The following MTHFD1L variants were observed in gnomAD, a reference collection of about 807,000 sequenced individuals.
MTHFD1L encodes monofunctional C1-tetrahydrofolate synthase, mitochondrial.
In MTHFD1L, 81 loss-of-function variants were observed where a neutral mutation model predicts 119.5. The ratio of observed to expected loss-of-function variants is 0.68; its 90% CI spans 0.57 to 0.82. The LOEUF (loss-of-function observed/expected upper bound fraction) is 0.82. Ranked by LOEUF, MTHFD1L falls within the 40% of genes least tolerant of loss-of-function variation. The pLI is 0.00. For missense variants in MTHFD1L, 1,125 were observed against 1,253.4 expected (o/e 0.90, Z 1.55); for synonymous variants, 430 against 475.2 (o/e 0.90, Z 1.24).
At chr6:151,000,739 T>C (rs11964032) in intron 20 of MTHFD1L, among the ~76,000 whole-genome samples, 3,219 of 152,334 alleles carry the variant, frequency 0.021, 110 homozygotes, top group African/African-American at 0.074. Flanking sequence ...GCTGTGACTT[T>C]TTTTGAGTTT....
intron 26 of MTHFD1L, among the ~76,000 whole-genome samples, chr6:151,069,667 G>C (rs1032951173): frequency 2.6e-4 from 39 of 152,106 alleles, no homozygotes; most frequent in Non-Finnish European, 1.2e-4. Context: ...GGTGTCCTTG[G>C]TTCTGTTTAC....
chr6:150,952,585 C>T (rs1441267652), intron 16 of MTHFD1L, among the ~76,000 whole-genome samples: 1 of 152,102 alleles, frequency 6.6e-6, no homozygotes, highest in Non-Finnish European at 1.5e-5. Context: ...GGCTGGAGTG[C>T]AGTGTGCGAT....
At chr6:151,016,976 T>TTTTA (rs1783175461) in intron 24 of MTHFD1L, among the ~76,000 whole-genome samples, 1 of 151,542 alleles carries the variant, frequency 6.6e-6, no homozygotes, top group African/African-American at 2.4e-5. Flanking sequence ...GGTTTCACCG[T>TTTTA]GTTGCCCGGG....
chr6:150,936,673 G>C (rs1792114418), intron 11 of MTHFD1L, 131 bp from the exon 12 acceptor site: 3 of 1,112,936 alleles, frequency 2.7e-6, no homozygotes, highest in Non-Finnish European at 3.9e-6. Flanking sequence ...GACCATAATA[G>C]CCCGAGAAAA....
At chr6:150,943,967 G>A (rs1338080960) in intron 13 of MTHFD1L, among the ~76,000 whole-genome samples, 2 of 152,140 alleles carry the variant, frequency 1.3e-5, no homozygotes, top group Non-Finnish European at 2.9e-5. Context: ...AATAAACGTA[G>A]TGAGTGACTA....
At chr6:150,934,622 C>T (rs1443806045) in intron 11 of MTHFD1L, among the ~76,000 whole-genome samples, 1 of 152,170 alleles carries the variant, frequency 6.6e-6, no homozygotes, top group Non-Finnish European at 1.5e-5. Flanking sequence ...ATGATGACGC[C>T]TCTAAAGACA....
At chr6:151,070,365 C>G (rs903820407) in intron 26 of MTHFD1L, among the ~76,000 whole-genome samples, 1 of 152,220 alleles carries the variant, frequency 6.6e-6, no homozygotes, top group African/African-American at 2.4e-5. Context: ...TGTTGAACCT[C>G]TAATCTAGAT....
At chr6:151,022,269 C>T in intron 24 of MTHFD1L, 1 of 314,548 alleles carries the variant, frequency 3.2e-6, no homozygotes, top group Non-Finnish European at 6.4e-6. Flanking sequence ...CCAGCTGGAA[C>T]CTACACCAGT....
intron 9 of MTHFD1L, among the ~76,000 whole-genome samples, chr6:150,919,678 T>A (rs1788573577): frequency 6.6e-6 from 1 of 152,166 alleles, no homozygotes; most frequent in Non-Finnish European, 1.5e-5. Flanking sequence ...TGGTGCTATA[T>A]ACTTTTAAAT....
intron 19 of MTHFD1L, 118 bp downstream of exon 19, chr6:150,965,155 C>A: frequency 1.2e-6 from 1 of 804,664 alleles, no homozygotes; most frequent in Non-Finnish European, 2.1e-6. Flanking sequence ...GTGTGCTTTG[C>A]AATCTCAGGC....
intron 15 of MTHFD1L, 82 bp downstream of exon 15, chr6:150,945,623 A>G: frequency 7.8e-6 from 11 of 1,402,834 alleles, no homozygotes; most frequent in Non-Finnish European, 1.1e-5. Flanking sequence ...GAAATTTTCA[A>G]CTTGGTTTGA....
intron 24 of MTHFD1L, chr6:151,022,127 C>CA: frequency 2.1e-6 from 1 of 465,724 alleles, no homozygotes; most frequent in Non-Finnish European, 4.5e-6. Context: ...TTCTGAACTT[C>CA]ACGCTCTCAC....
At chr6:150,999,170 A>G (rs865875077) in intron 20 of MTHFD1L, among the ~76,000 whole-genome samples, 2 of 152,148 alleles carry the variant, frequency 1.3e-5, no homozygotes, top group Admixed American at 1.3e-4. Flanking sequence ...TCTGGTGCCA[A>G]CCATTTTTGC....
chr6:150,872,647 C>G (rs1779731658), intron 1 of MTHFD1L, among the ~76,000 whole-genome samples: 1 of 152,128 alleles, frequency 6.6e-6, no homozygotes, highest in Admixed American at 6.6e-5. Context: ...TAAGAATTAT[C>G]AAAATGTGAC....
intron 17 of MTHFD1L, among the ~76,000 whole-genome samples, chr6:150,957,137 C>T (rs1795766284): frequency 6.6e-6 from 1 of 152,178 alleles, no homozygotes; most frequent in South Asian, 2.1e-4. Flanking sequence ...AGAGGTTATT[C>T]CCCTTTTTAT....
At chr6:151,007,098 A>G (rs556107733) in intron 20 of MTHFD1L, among the ~76,000 whole-genome samples, 47 of 151,772 alleles carry the variant, frequency 3.1e-4, no homozygotes, top group Non-Finnish European at 1.9e-4. Flanking sequence ...GCCTTTACCT[A>G]TGAATCTCTT....
At chr6:151,048,279 T>C (rs79196980) in intron 26 of MTHFD1L, among the ~76,000 whole-genome samples, 14 of 151,404 alleles carry the variant, frequency 9.2e-5, no homozygotes, top group Non-Finnish European at 1.6e-4. Context: ...AGCACACCTC[T>C]TCACTTGTGC....
intron 26 of MTHFD1L, among the ~76,000 whole-genome samples, chr6:151,063,009 T>C (rs1264762842): frequency 6.6e-6 from 1 of 151,998 alleles, no homozygotes; most frequent in African/African-American, 2.4e-5. Flanking sequence ...CTTGTGCGCA[T>C]GTACCCTAGA....
intron 12 of MTHFD1L, 110 bp downstream of exon 12, chr6:150,937,050 A>T (rs1792190812): frequency 2.3e-6 from 3 of 1,311,408 alleles, no homozygotes; most frequent in Non-Finnish European, 3.2e-6. Context: ...GGGACTTGGT[A>T]CATTTCTTCA....
Sources: allele counts gnomAD v4.1 joint callset (sites outside exome capture counted in the v4.1 genomes callset), GRCh38; gene constraint gnomAD v4.1.1; transcripts MANE v1.5; gene names NCBI Gene and HGNC (gene_info 2026-07-23, HGNC 2026-07-21).